The following MKLN1 variants were observed in gnomAD, a reference collection of about 807,000 sequenced individuals.
MKLN1 encodes muskelin 1.
Under a neutral mutation model 99.0 loss-of-function variants are expected in MKLN1, and 18 were observed. The ratio of observed to expected loss-of-function variants is 0.18; its 90% CI spans 0.13 to 0.27. The LOEUF (loss-of-function observed/expected upper bound fraction) is 0.27. Ranked by LOEUF, MKLN1 falls within the 10% of genes least tolerant of loss-of-function variation. The pLI, the probability that MKLN1 is intolerant of heterozygous loss-of-function variation, is 1.00. For synonymous variants in MKLN1, 288 were observed against 293.2 expected, an observed-to-expected ratio of 0.98 and a Z score of 0.18; for missense variants, 621 against 875.9, an observed-to-expected ratio of 0.71 and a Z score of 3.67.
At chr7:131,374,937 GTCT>G (rs1209885143) in intron 1 of MKLN1, among the ~76,000 whole-genome samples, 1 of 147,914 alleles carries the variant, frequency 6.8e-6, no homozygotes, top group African/African-American at 2.5e-5. Context: ...TTACCCTGAA[GTCT>G]TTTTTTTTTT....
At chr7:131,191,607 T>C (rs1796542352) in intron 2 of MKLN1, among the ~76,000 whole-genome samples, 1 of 152,198 alleles carries the variant, frequency 6.6e-6, no homozygotes, top group African/African-American at 2.4e-5. Context: ...GCCTTCGTGT[T>C]ACCAATTTTA....
chr7:131,191,838 C>G (rs1475741152), intron 2 of MKLN1, among the ~76,000 whole-genome samples: 1 of 149,832 alleles, frequency 6.7e-6, no homozygotes. Flanking sequence ...CTCAGCCTCT[C>G]AAGTAGCTGG....
intron 8 of MKLN1, among the ~76,000 whole-genome samples, chr7:131,422,700 A>G (rs1795242247): frequency 1.3e-5 from 2 of 151,610 alleles, no homozygotes; most frequent in South Asian, 2.1e-4. Flanking sequence ...TAGAAACTTA[A>G]TAGTACCTAG....
intron 3 of MKLN1, among the ~76,000 whole-genome samples, chr7:131,262,042 T>G (rs1360957058): frequency 6.6e-6 from 1 of 152,166 alleles, no homozygotes. Flanking sequence ...TTGGGTACTA[T>G]GCGTATTATC....
intron 3 of MKLN1, among the ~76,000 whole-genome samples, chr7:131,214,065 T>A (rs1345213293): frequency 6.6e-6 from 1 of 152,210 alleles, no homozygotes; most frequent in Non-Finnish European, 1.5e-5. Context: ...CTGTTCATAT[T>A]TAGGTCTTTA....
intron 3 of MKLN1, among the ~76,000 whole-genome samples, chr7:131,312,344 T>C (rs968876485): frequency 6.6e-6 from 1 of 152,142 alleles, no homozygotes; most frequent in Non-Finnish European, 1.5e-5. Flanking sequence ...CTGCATAAAA[T>C]TTCTATAACC....
At chr7:131,304,584 C>T (rs1335095211) in intron 3 of MKLN1, among the ~76,000 whole-genome samples, 2 of 152,086 alleles carry the variant, frequency 1.3e-5, no homozygotes, top group African/African-American at 2.4e-5. Flanking sequence ...TATGGGATAG[C>T]GCATTGAATT....
intron 3 of MKLN1, among the ~76,000 whole-genome samples, chr7:131,204,918 A>T (rs574545534): frequency 7.5e-5 from 11 of 146,246 alleles, no homozygotes; most frequent in Non-Finnish European, 1.5e-5. Flanking sequence ...TAGGCGACAG[A>T]GCAAGACTCC....
At chr7:131,186,518 TAAAAC>T (rs902597675) in intron 2 of MKLN1, among the ~76,000 whole-genome samples, 4 of 152,082 alleles carry the variant, frequency 2.6e-5, no homozygotes, top group African/African-American at 9.7e-5. Context: ...AAAAAAAAAT[TAAAAC>T]AAAACCTCTG....
intron 17 of MKLN1, among the ~76,000 whole-genome samples, chr7:131,484,695 A>G (rs569783502): frequency 6.6e-6 from 1 of 152,328 alleles, no homozygotes; most frequent in East Asian, 1.9e-4. Flanking sequence ...AGAAAGAACT[A>G]AGCCATTTTA....
At chr7:131,170,238 T>C (rs1796197178) in intron 2 of MKLN1, among the ~76,000 whole-genome samples, 2 of 152,220 alleles carry the variant, frequency 1.3e-5, no homozygotes, top group Non-Finnish European at 2.9e-5. Flanking sequence ...AATTATCTCA[T>C]TTTAATGCTC....
intron 6 of MKLN1, among the ~76,000 whole-genome samples, chr7:131,407,016 C>T (rs1245716042): frequency 2.0e-5 from 3 of 151,892 alleles, no homozygotes; most frequent in South Asian, 2.1e-4. Flanking sequence ...TATATGTTGC[C>T]TTTGTCTATC....
At chr7:131,237,907 G>T (rs1284072565) in intron 3 of MKLN1, among the ~76,000 whole-genome samples, 1 of 152,178 alleles carries the variant, frequency 6.6e-6, no homozygotes, top group African/African-American at 2.4e-5. Context: ...AGCACTTTGG[G>T]AGGCCGAGGC....
chr7:131,286,371 G>T (rs1302076132), intron 3 of MKLN1, among the ~76,000 whole-genome samples: 3 of 152,116 alleles, frequency 2.0e-5, no homozygotes, highest in African/African-American at 4.8e-5. Context: ...CTTTTCCTTT[G>T]TGGGGTGATC....
At chr7:131,183,601 T>C (rs1796405894) in intron 2 of MKLN1, among the ~76,000 whole-genome samples, 1 of 152,304 alleles carries the variant, frequency 6.6e-6, no homozygotes, top group South Asian at 2.1e-4. Context: ...ACAAATATAG[T>C]AACAGATTAT....
chr7:131,295,635 C>T (rs1798279784), intron 3 of MKLN1, among the ~76,000 whole-genome samples: 1 of 151,916 alleles, frequency 6.6e-6, no homozygotes. Context: ...CCTATAATCC[C>T]AACACTTTGG....
chr7:131,326,649 C>G (rs1165551461), upstream of MKLN1, among the ~76,000 whole-genome samples: 1 of 152,104 alleles, frequency 6.6e-6, no homozygotes, highest in Non-Finnish European at 1.5e-5. Flanking sequence ...CGGGCCTGGC[C>G]TTTCTATCTG....
At chr7:131,192,823 A>G (rs1345178188) in intron 2 of MKLN1, among the ~76,000 whole-genome samples, 3 of 152,074 alleles carry the variant, frequency 2.0e-5, no homozygotes, top group Non-Finnish European at 4.4e-5. Flanking sequence ...TACAGGCATG[A>G]GCCACTGTGC....
At position 131,177,456 on chromosome 7, in the gene MKLN1, G is replaced by A. The variant is rs1584811025; in HGVS notation, c.-296-25401G>A. Among the ~76,000 whole-genome samples the A allele has an allele frequency of 3.5e-5, 5 of 143,802 alleles. No individual in the cohort carries two copies. In the South Asian group the frequency reaches 1.1e-3, roughly 32 times the overall value. 94.3% of individuals were successfully genotyped at this position (143,802 alleles called of 152,430 possible). A position where few individuals can be genotyped will look rare whatever the true frequency, so the allele number is the denominator to read the frequency against. On this transcript the variant is annotated intron_variant, in intron 2 of 7. Transcript: ENST00000416992. ...TGGACTCCAGCCTGGGTGACAGAGC[G>A]AGACTCCATCTCAAAAAAAAAAAAA...
Sources: allele counts gnomAD v4.1 joint callset (sites outside exome capture counted in the v4.1 genomes callset), GRCh38; gene constraint gnomAD v4.1.1; transcripts MANE v1.5; gene names NCBI Gene and HGNC (gene_info 2026-07-23, HGNC 2026-07-21).